Variants in MAF observed in about 807,000 individuals in gnomAD.
The protein encoded by MAF is transcription factor Maf.
Under a neutral mutation model 22.0 loss-of-function variants are expected in MAF, and 10 were observed. The observed-to-expected ratio is 0.45, with a 90% CI of 0.28 to 0.77. The LOEUF (loss-of-function observed/expected upper bound fraction) is 0.77. Among genes scored for constraint, MAF ranks in the 30% least tolerant of loss-of-function variants. The pLI is 0.12. For missense variants in MAF, 544 were observed against 548.4 expected (o/e 0.99, Z 0.08); for synonymous variants, 337 against 255.8 (o/e 1.32, Z -3.03).
the MAF span, among the ~76,000 whole-genome samples, chr16:79,526,666 A>T: frequency 6.6e-6 from 1 of 152,154 alleles, no homozygotes; most frequent in African/African-American, 2.4e-5. Flanking sequence ...ACAAAACAAC[A>T]ACAACAAAAA....
the MAF span, among the ~76,000 whole-genome samples, chr16:79,305,816 C>T: frequency 1.3e-5 from 2 of 152,272 alleles, no homozygotes; most frequent in African/African-American, 4.8e-5. Flanking sequence ...AATAGGGATT[C>T]AAGGCAGAAG....
At chr16:79,560,401 G>A in the MAF span, among the ~76,000 whole-genome samples, 11 of 150,448 alleles carry the variant, frequency 7.3e-5, 1 homozygote, top group South Asian at 8.4e-4. Context: ...GGAAACATAC[G>A]AACGAACAAA....
chr16:79,447,782 C>A, the MAF span, among the ~76,000 whole-genome samples: 1 of 149,916 alleles, frequency 6.7e-6, no homozygotes, highest in Non-Finnish European at 1.5e-5. Flanking sequence ...ACAAATGGAG[C>A]CTGTGGGAGG....
At chr16:79,451,136 T>G in the MAF span, among the ~76,000 whole-genome samples, 1 of 152,160 alleles carries the variant, frequency 6.6e-6, no homozygotes, top group African/African-American at 2.4e-5. Context: ...ACTTTGCCCA[T>G]AAAGAAAATG....
chr16:79,230,237 G>C, the MAF span, among the ~76,000 whole-genome samples: 3 of 152,122 alleles, frequency 2.0e-5, no homozygotes, highest in Non-Finnish European at 4.4e-5. Flanking sequence ...TTATGGCAAG[G>C]GAAGCTCTCT....
chr16:79,445,781 G>C, the MAF span, among the ~76,000 whole-genome samples: 1 of 152,202 alleles, frequency 6.6e-6, no homozygotes, highest in Non-Finnish European at 1.5e-5. Context: ...AATTCCCGGA[G>C]GCCCTTTTAT....
At chr16:79,251,520 T>C in the MAF span, among the ~76,000 whole-genome samples, 9 of 152,278 alleles carry the variant, frequency 5.9e-5, no homozygotes, top group East Asian at 5.8e-4. Context: ...TTTCACCATG[T>C]TGGTCAGGTT....
chr16:79,353,457 T>C, the MAF span, among the ~76,000 whole-genome samples: 1 of 152,134 alleles, frequency 6.6e-6, no homozygotes. Context: ...CAAAGTTATT[T>C]TGAAGTTATG....
chr16:79,419,172 A>T, the MAF span, among the ~76,000 whole-genome samples: 2 of 152,174 alleles, frequency 1.3e-5, no homozygotes, highest in Non-Finnish European at 2.9e-5. Flanking sequence ...GGTAAGGGCA[A>T]TCATGGGGTG....
chr16:79,486,098 G>C, the MAF span, among the ~76,000 whole-genome samples: 1 of 152,290 alleles, frequency 6.6e-6, no homozygotes, highest in East Asian at 1.9e-4. Flanking sequence ...TGTCTCGCAT[G>C]ACTCTCCAAT....
At chr16:79,356,979 G>A in the MAF span, among the ~76,000 whole-genome samples, 6 of 152,228 alleles carry the variant, frequency 3.9e-5, no homozygotes, top group Non-Finnish European at 7.4e-5. Flanking sequence ...AAACTAGACC[G>A]GGGATGGTGG....
At chr16:79,491,865 G>C in the MAF span, among the ~76,000 whole-genome samples, 2 of 152,136 alleles carry the variant, frequency 1.3e-5, no homozygotes, top group African/African-American at 4.8e-5. Context: ...ATTTTAGTGA[G>C]AAGAATTTAG....
At chr16:79,475,356 A>G in the MAF span, among the ~76,000 whole-genome samples, 4 of 98,188 alleles carry the variant, frequency 4.1e-5, no homozygotes, top group African/African-American at 5.6e-5. Context: ...ATATGTATGT[A>G]TATATATGTG....
the MAF span, among the ~76,000 whole-genome samples, chr16:79,573,952 T>C: frequency 6.6e-6 from 1 of 152,246 alleles, no homozygotes; most frequent in African/African-American, 2.4e-5. Flanking sequence ...CCCGTTCGTT[T>C]GCCTGTTTGT....
chr16:79,338,140 C>T, the MAF span, among the ~76,000 whole-genome samples: 209 of 152,200 alleles, frequency 1.4e-3, 2 homozygotes, highest in African/African-American at 4.8e-3. Flanking sequence ...TCAGCAGGGC[C>T]GACTTTGCAA....
At chr16:79,485,870 G>C in the MAF span, among the ~76,000 whole-genome samples, 29 of 152,136 alleles carry the variant, frequency 1.9e-4, no homozygotes, top group African/African-American at 6.0e-4. Context: ...GAATGAATTA[G>C]CAAATTAGCA....
the MAF span, among the ~76,000 whole-genome samples, chr16:79,570,973 T>C: frequency 6.6e-6 from 1 of 152,166 alleles, no homozygotes; most frequent in African/African-American, 2.4e-5. Context: ...AGATCTGTTC[T>C]AGCATTCTCA....
chr16:79,419,162 G>C, the MAF span, among the ~76,000 whole-genome samples: 4 of 152,276 alleles, frequency 2.6e-5, no homozygotes, highest in African/African-American at 4.8e-5. Flanking sequence ...GTGCTGGCCA[G>C]GTAAGGGCAA....
At chr16:79,327,491 T>C in the MAF span, among the ~76,000 whole-genome samples, 4 of 152,182 alleles carry the variant, frequency 2.6e-5, no homozygotes, top group East Asian at 7.7e-4. Context: ...TGAGTTATTA[T>C]AAGACAAGAG....
Sources: gnomAD v4.1 joint callset for allele counts (sites outside exome capture counted in the v4.1 genomes callset) on GRCh38, gnomAD v4.1.1 for gene constraint, MANE v1.5 for transcripts, NCBI Gene and HGNC (gene_info 2026-07-23, HGNC 2026-07-21) for gene names.